The following GART variants were observed in gnomAD, a reference collection of about 807,000 sequenced individuals.
The protein encoded by GART is phosphoribosylglycinamide formyltransferase, phosphoribosylglycinamide synthetase, phosphoribosylaminoimidazole synthetase.
GART carries 43 observed loss-of-function variants against 107.2 expected under a neutral mutation model. That is an observed-to-expected ratio of 0.40 (90% confidence interval 0.31 to 0.52). The LOEUF is 0.52. Ranked by LOEUF, GART falls within the 20% of genes least tolerant of loss-of-function variation. GART has a pLI of 0.52. For synonymous variants in GART, 434 were observed against 427.0 expected (o/e 1.02, Z -0.20); for missense variants, 1,107 against 1,206.5 (o/e 0.92, Z 1.22).
At chr21:33,533,542 C>T (rs1156581675) in intron 4 of GART, among the ~76,000 whole-genome samples, 1 of 151,598 alleles carries the variant, frequency 6.6e-6, no homozygotes, top group Non-Finnish European at 1.5e-5. Context: ...TGATTACTCA[C>T]TCTGGTTAAT....
chr21:33,539,757 C>T (rs1397420675), intron 1 of GART, among the ~76,000 whole-genome samples: 1 of 151,436 alleles, frequency 6.6e-6, no homozygotes, highest in Non-Finnish European at 1.5e-5. Flanking sequence ...ATACAAATGA[C>T]ATTTTCATCC....
At chr21:33,518,421 C>T (rs1456290002) in intron 14 of GART, among the ~76,000 whole-genome samples, 1 of 151,338 alleles carries the variant, frequency 6.6e-6, no homozygotes, top group South Asian at 2.1e-4. Flanking sequence ...GGGGTTGCAG[C>T]GAGCCGAGAT....
At chr21:33,518,262 C>G (rs564149679) in intron 14 of GART, among the ~76,000 whole-genome samples, 2 of 152,046 alleles carry the variant, frequency 1.3e-5, no homozygotes, top group African/African-American at 4.8e-5. Flanking sequence ...GCAGGTGGAT[C>G]AGGTCAGGAG....
intron 16 of GART, among the ~76,000 whole-genome samples, chr21:33,513,812 G>C (rs929943870): frequency 6.6e-6 from 1 of 152,206 alleles, no homozygotes; most frequent in African/African-American, 2.4e-5. Flanking sequence ...AGATAGTGAT[G>C]ACATATTTAA....
At chr21:33,515,859 C>T (rs2084868313) in intron 16 of GART, among the ~76,000 whole-genome samples, 1 of 152,004 alleles carries the variant, frequency 6.6e-6, no homozygotes, top group Non-Finnish European at 1.5e-5. Flanking sequence ...AGCAAACTGA[C>T]TTTTGACCTA....
At chr21:33,523,296 A>C (rs2085005897) in intron 11 of GART, among the ~76,000 whole-genome samples, 1 of 152,220 alleles carries the variant, frequency 6.6e-6, no homozygotes, top group South Asian at 2.1e-4. Context: ...AGTTAACTCA[A>C]ATAAAGCCAG....
At chr21:33,519,985 C>T (rs894928183) in intron 14 of GART, among the ~76,000 whole-genome samples, 2 of 151,906 alleles carry the variant, frequency 1.3e-5, no homozygotes, top group African/African-American at 4.8e-5. Context: ...TAGTTAAGAT[C>T]CGGAATGCCA....
At chr21:33,521,586 G>A (rs1466957362) in intron 12 of GART, among the ~76,000 whole-genome samples, 53 of 149,558 alleles carry the variant, frequency 3.5e-4, no homozygotes, top group Admixed American at 3.5e-3. Flanking sequence ...TAGCCGAAAT[G>A]GCACCACTGC....
intron 17 of GART, chr21:33,510,341 T>A (rs1405581858): frequency 6.4e-6 from 1 of 155,396 alleles, no homozygotes; most frequent in Non-Finnish European, 1.4e-5. Context: ...CTCTTTTTTT[T>A]CTTTTTGAGA....
intron 6 of GART, 57 bp from the exon 7 acceptor site, chr21:33,530,941 AT>A: frequency 4.2e-6 from 6 of 1,434,522 alleles, no homozygotes; most frequent in Non-Finnish European, 5.5e-6. Flanking sequence ...AAAAAAAAAA[AT>A]TTAGTGAGGC....
At chr21:33,535,174 G>T in intron 3 of GART, 51 bp downstream of exon 3, 4 of 1,122,488 alleles carry the variant, frequency 3.6e-6, no homozygotes, top group Non-Finnish European at 5.0e-6. Flanking sequence ...TGATCCCTAA[G>T]CTTCTGTTTG....
intron 3 of GART, 138 bp downstream of exon 3, chr21:33,535,087 C>T: frequency 1.8e-6 from 1 of 568,824 alleles, no homozygotes. Flanking sequence ...AATCTAGACT[C>T]CATAAATTTC....
rs1213582016 is a variant in GART, at chr21:33,528,510, T to G, written c.897+9A>C. ...TTCTACCAAGTAATACTTTGATATTTTTACCCACTTGGCACTCTGGATCAC... is the reference window on the plus strand; with the variant it reads ...TTCTACCAAGTAATACTTTGATATTGTTACCCACTTGGCACTCTGGATCAC... On this transcript the variant is annotated intron_variant, in intron 9 of 21. Transcript: ENST00000381815. 1.3e-6 allele frequency: 2 copies of G among 1,592,146 alleles called. No homozygotes were observed. Among genetic ancestry groups the G allele is most frequent in the South Asian group, 2.3e-5 (2 of 87,220 alleles).
chr21:33,510,289 C>T (rs1181747966), intron 17 of GART: 2 of 166,364 alleles, frequency 1.2e-5, no homozygotes, highest in Non-Finnish European at 2.6e-5. Flanking sequence ...CTAGCAAAGC[C>T]ATTTAAAGGC....
At chr21:33,541,400 G>C (rs2085420721) in intron 1 of GART, among the ~76,000 whole-genome samples, 1 of 152,174 alleles carries the variant, frequency 6.6e-6, no homozygotes, top group Non-Finnish European at 1.5e-5. Flanking sequence ...ACCCACCTTG[G>C]CCTCCCAAGT....
Position 33,528,314 on chromosome 21 carries a change from T to A in GART, c.919A>T (p.Ser307Cys). The A allele has an allele frequency of 6.2e-7, 1 of 1,614,084 alleles. No homozygotes were observed. Among genetic ancestry groups the A allele is most frequent in the South Asian group, 1.1e-5 (1 of 91,050 alleles). ...ECQVILPLLKSDLYEVIQSTL... is the reference protein window; with the variant it reads ...ECQVILPLLKCDLYEVIQSTL... ...GACTGAATCACTTCATAAAGATCAC[T>A]TTTAAGAAGTGGGAGGATTACCTGG... The change falls in exon 10 of 22, where the codon AGT (serine) becomes TGT (cysteine). Residue 307 changes from serine (S) to cysteine (C), a missense_variant. By Grantham distance (112) the Ser-to-Cys change is moderately radical. Transcript: ENST00000381815.
rs912670615 is a variant in GART, at chr21:33,520,512, T to G, written c.1554A>C (p.Ala518=). The part of the protein sequence containing the change: ...KHDTIGQDLV[A]MCVNDILAQG... ...GTGCCAGAATATCATTAACACACAT[T>G]GCTACCAAATCTTGACCAATGGTAT... Residue 518 remains alanine (A), a synonymous_variant, in exon 14 of 22, where the codon GCA becomes GCC. Transcript: ENST00000381815. 2.1e-5 allele frequency: 34 copies of G among 1,614,014 alleles called. No homozygotes were observed. Among genetic ancestry groups the G allele is most frequent in the African/African-American group, 4.0e-5 (3 of 74,938 alleles).
chr21:33,514,400 G>T (rs2084841242), intron 16 of GART, among the ~76,000 whole-genome samples: 1 of 152,174 alleles, frequency 6.6e-6, no homozygotes, highest in Non-Finnish European at 1.5e-5. Flanking sequence ...AGACATTTGT[G>T]TAACTCAAAC....
intron 14 of GART, among the ~76,000 whole-genome samples, chr21:33,518,286 C>T (rs960805153): frequency 1.2e-4 from 18 of 151,932 alleles, no homozygotes; most frequent in African/African-American, 3.9e-4. Context: ...GAGACTATCC[C>T]GGCCAACATG....
Sources: gnomAD v4.1 joint callset for allele counts (sites outside exome capture counted in the v4.1 genomes callset) on GRCh38, gnomAD v4.1.1 for gene constraint, MANE v1.5 for transcripts, NCBI Gene and HGNC (gene_info 2026-07-23, HGNC 2026-07-21) for gene names.